The following GLCE variants were observed in gnomAD, a reference collection of about 807,000 sequenced individuals.
GLCE encodes the protein glucuronic acid epimerase.
GLCE carries 19 observed loss-of-function variants against 47.9 expected under a neutral mutation model. The ratio of observed to expected loss-of-function variants is 0.40; its 90% confidence interval spans 0.28 to 0.58. GLCE has a LOEUF of 0.58. Among genes scored for constraint, GLCE ranks in the 20% least tolerant of loss-of-function variants. The pLI is 0.48. For missense variants in GLCE, 556 were observed against 743.3 expected, an observed-to-expected ratio of 0.75 and a Z score of 2.93; for synonymous variants, 245 against 263.4, an observed-to-expected ratio of 0.93 and a Z score of 0.68.
At chr15:69,191,270 T>C (rs942838742) in intron 1 of GLCE, among the ~76,000 whole-genome samples, 2 of 152,160 alleles carry the variant, frequency 1.3e-5, no homozygotes, top group Non-Finnish European at 2.9e-5. Context: ...CTTTTATGTG[T>C]CTGAAAAATT....
intron 2 of GLCE, among the ~76,000 whole-genome samples, chr15:69,239,150 G>C (rs188171494): frequency 1.3e-5 from 2 of 151,992 alleles, no homozygotes; most frequent in Admixed American, 1.3e-4. Flanking sequence ...TTCCCTTGCA[G>C]CTAGAGGTGG....
At chr15:69,182,105 T>C (rs1346428051) in intron 1 of GLCE, among the ~76,000 whole-genome samples, 1 of 149,224 alleles carries the variant, frequency 6.7e-6, no homozygotes, top group African/African-American at 2.5e-5. Context: ...AGAGGGAAGG[T>C]GATGGAAGAT....
intron 2 of GLCE, among the ~76,000 whole-genome samples, chr15:69,233,955 A>G (rs1595771762): frequency 1.3e-5 from 2 of 151,492 alleles, no homozygotes; most frequent in East Asian, 1.9e-4. Flanking sequence ...ATGCACATAT[A>G]CATACATATA....
chr15:69,182,395 G>C (rs2051763256), intron 1 of GLCE, among the ~76,000 whole-genome samples: 2 of 151,644 alleles, frequency 1.3e-5, no homozygotes, highest in Admixed American at 6.6e-5. Flanking sequence ...AAGAGAGAGA[G>C]AGAGAGAGAG....
intron 4 of GLCE, among the ~76,000 whole-genome samples, chr15:69,267,709 A>T (rs1413643521): frequency 1.3e-5 from 2 of 152,216 alleles, no homozygotes; most frequent in African/African-American, 2.4e-5. Flanking sequence ...TGTTCAGGGG[A>T]TTAAATGAAT....
Position 69,213,086 on chromosome 15 carries a change from T to A in GLCE, c.-14+2680T>A, listed in dbSNP as rs185530532. ...TCTTGTTTAAAGCTCTTGAAAAAAA[T>A]TTTATTTTGAAATAATTTTAGATGT... is the stretch of plus-strand genomic sequence containing the variant. On this transcript the variant is annotated intron_variant, in intron 2 of 4. Transcript: ENST00000261858. Among the ~76,000 whole-genome samples the A allele has an allele frequency of 4.3e-3, 653 of 152,156 alleles. 10 individuals carry two copies. The highest frequency in any genetic ancestry group is 4.7e-3 in the African/African-American group (196 of 41,560).
At chr15:69,182,661 AT>A (rs1238117066) in intron 1 of GLCE, among the ~76,000 whole-genome samples, 1 of 152,120 alleles carries the variant, frequency 6.6e-6, no homozygotes, top group African/African-American at 2.4e-5. Flanking sequence ...GGGTTGGCAG[AT>A]TTTTTGGAGT....
At chr15:69,195,231 T>G (rs2140356800) in intron 1 of GLCE, among the ~76,000 whole-genome samples, 1 of 152,310 alleles carries the variant, frequency 6.6e-6, no homozygotes, top group Middle Eastern at 3.4e-3. Flanking sequence ...GTAAAAATGA[T>G]ATTTATAAGT....
chr15:69,181,014 T>C (rs1196935957), intron 1 of GLCE, among the ~76,000 whole-genome samples: 2 of 152,052 alleles, frequency 1.3e-5, no homozygotes, highest in Non-Finnish European at 2.9e-5. Flanking sequence ...GTAATTGACA[T>C]TTTGAGGTCA....
At chr15:69,216,467 G>A (rs1397892404) in intron 2 of GLCE, among the ~76,000 whole-genome samples, 1 of 152,024 alleles carries the variant, frequency 6.6e-6, no homozygotes, top group Admixed American at 6.6e-5. Context: ...AAATACTTAG[G>A]ACTTATATTT....
intron 3 of GLCE, among the ~76,000 whole-genome samples, chr15:69,258,849 C>G (rs1234686088): frequency 6.6e-6 from 1 of 151,970 alleles, no homozygotes; most frequent in African/African-American, 2.4e-5. Context: ...CATTTTTTTG[C>G]TATTATAAAT....
Position 69,270,682 on chromosome 15 carries a change from A to C in GLCE, c.*1438A>C, listed in dbSNP as rs778801496. 1.3e-5 allele frequency: 2 copies of C among 152,184 alleles called. No individual in the cohort carries two copies. The highest frequency in any genetic ancestry group is 2.9e-5 in the Non-Finnish European group (2 of 68,028). 9.4% of individuals were successfully genotyped at this position (152,184 alleles called of 1,614,324 possible). Reference sequence around the variant, plus strand: ...TTACCTGCTTACACACTATATTTTAATTGAATTCAAACTATCAAGCACTAC... The same window carrying C: ...TTACCTGCTTACACACTATATTTTACTTGAATTCAAACTATCAAGCACTAC... On this transcript the variant is annotated 3_prime_UTR_variant, in exon 5 of 5. Coordinates refer to ENST00000261858, the MANE Select transcript of GLCE (RefSeq NM_015554.3).
intron 2 of GLCE, among the ~76,000 whole-genome samples, chr15:69,253,241 T>A (rs1378851171): frequency 6.6e-6 from 1 of 152,208 alleles, no homozygotes; most frequent in Non-Finnish European, 1.5e-5. Context: ...GACGAAGGCT[T>A]CTAAAGTGTG....
chr15:69,167,879 C>G (rs996269578), intron 1 of GLCE, among the ~76,000 whole-genome samples: 1 of 146,888 alleles, frequency 6.8e-6, no homozygotes, highest in Non-Finnish European at 1.5e-5. Flanking sequence ...TGCTTACTTT[C>G]CTTCAGCCAC....
chr15:69,224,172 G>A (rs2052414484), intron 2 of GLCE, among the ~76,000 whole-genome samples: 1 of 152,094 alleles, frequency 6.6e-6, no homozygotes, highest in Admixed American at 6.5e-5. Flanking sequence ...ATCTATTAAT[G>A]TGCTAAGTCT....
chr15:69,259,012 TTGCTCATGCTTCCAGCA>T (rs1434408722), intron 3 of GLCE, among the ~76,000 whole-genome samples: 11 of 152,354 alleles, frequency 7.2e-5, no homozygotes, highest in African/African-American at 2.6e-4. Context: ...AAGGTGGAAC[TTGCTCATGCTTCCAGCA>T]GCAGAGTATG....
At chr15:69,177,229 AATTTTTGT>A (rs201274485) in intron 1 of GLCE, among the ~76,000 whole-genome samples, 1,744 of 150,510 alleles carry the variant, frequency 0.012, 27 homozygotes, top group African/African-American at 0.038. Context: ...ACGCCCAGCT[AATTTTTGT>A]ATTTTTAGTA....
chr15:69,162,995 G>A (rs78474590), intron 1 of GLCE, among the ~76,000 whole-genome samples: 2 of 152,096 alleles, frequency 1.3e-5, no homozygotes, highest in African/African-American at 4.8e-5. Context: ...GAAAAACAAA[G>A]GAATCCCGCA....
chr15:69,219,565 GT>G (rs2052352023), intron 2 of GLCE, among the ~76,000 whole-genome samples: 1 of 152,088 alleles, frequency 6.6e-6, no homozygotes, highest in African/African-American at 2.4e-5. Context: ...TGGGTCTAGT[GT>G]TGGTGCAGCC....
Sources: gnomAD v4.1 joint callset for allele counts (sites outside exome capture counted in the v4.1 genomes callset) on GRCh38, gnomAD v4.1.1 for gene constraint, MANE v1.5 for transcripts, NCBI Gene and HGNC (gene_info 2026-07-23, HGNC 2026-07-21) for gene names.